Variants in NEO1 observed in about 807,000 individuals in gnomAD.
The protein encoded by NEO1 is neogenin 1.
In NEO1, 63 loss-of-function variants were observed where a neutral mutation model predicts 159.7. The observed-to-expected ratio is 0.39, with a 90% CI of 0.32 to 0.49. The LOEUF is 0.49. Among genes scored for constraint, NEO1 ranks in the 20% least tolerant of loss-of-function variants. The pLI, the probability that NEO1 is intolerant of heterozygous loss-of-function variation, is 0.85. For missense variants in NEO1, 1,615 were observed against 1,831.0 expected (o/e 0.88, Z 2.15); for synonymous variants, 633 against 662.0 (o/e 0.96, Z 0.67).
chr15:73,173,729 A>C (rs1236504724), intron 5 of NEO1, among the ~76,000 whole-genome samples: 1 of 152,240 alleles, frequency 6.6e-6, no homozygotes, highest in Non-Finnish European at 1.5e-5. Context: ...CAGCATGTAT[A>C]GCTTACTGTA....
rs372526253 is a variant in NEO1, at chr15:73,095,206, T to C, written c.131-21334T>C. On this transcript the variant is annotated intron_variant, in intron 1 of 28. Coordinates refer to ENST00000261908, the MANE Select transcript of NEO1 (RefSeq NM_002499.4). ...CCTGGCGACAGAGTGAGACTCTGTC[T>C]TAAAAAAAAAAAAAAAACTTAACAG... Among the ~76,000 whole-genome samples the C allele has an allele frequency of 3.5e-5, 5 of 142,874 alleles. No homozygotes were observed. The South Asian group carries it at 1.1e-3, about 32-fold the overall frequency. 93.7% of individuals were successfully genotyped at this position (142,874 alleles called of 152,430 possible).
intron 7 of NEO1, among the ~76,000 whole-genome samples, chr15:73,206,848 C>CGTGT (rs938536165): frequency 1.8e-4 from 24 of 136,364 alleles, no homozygotes; most frequent in Non-Finnish European, 3.5e-4. Flanking sequence ...TGTGTGTGTG[C>CGTGT]GTGTGTGTGT....
chr15:73,295,127 T>A (rs1248090559), intron 26 of NEO1, among the ~76,000 whole-genome samples: 2 of 139,060 alleles, frequency 1.4e-5, no homozygotes, highest in Non-Finnish European at 3.2e-5. Flanking sequence ...AAATATTAAA[T>A]ATATATATAT....
chr15:73,052,866 G>C (rs945660986), intron 1 of NEO1, 61 bp downstream of exon 1: 1 of 244,386 alleles, frequency 4.1e-6, no homozygotes, highest in African/African-American at 2.3e-5. Flanking sequence ...AGGCGGCCGC[G>C]GCTGCGGTGT....
chr15:73,211,026 G>C (rs1466768229), intron 7 of NEO1, among the ~76,000 whole-genome samples: 1 of 152,152 alleles, frequency 6.6e-6, no homozygotes, highest in Non-Finnish European at 1.5e-5. Context: ...TTTTTACAAT[G>C]ACCAGAGCTT....
intron 5 of NEO1, among the ~76,000 whole-genome samples, chr15:73,164,373 T>C (rs2034424416): frequency 6.6e-6 from 1 of 151,896 alleles, no homozygotes; most frequent in South Asian, 2.1e-4. Flanking sequence ...GCCACCACAC[T>C]CAGGTAATTT....
intron 5 of NEO1, among the ~76,000 whole-genome samples, chr15:73,163,290 C>A (rs2034321374): frequency 6.6e-6 from 1 of 151,846 alleles, no homozygotes; most frequent in Non-Finnish European, 1.5e-5. Context: ...TTTTATTTTT[C>A]TTTTAAAAAT....
intron 7 of NEO1, among the ~76,000 whole-genome samples, chr15:73,232,606 G>A (rs1224296238): frequency 6.6e-6 from 1 of 152,190 alleles, no homozygotes; most frequent in Non-Finnish European, 1.5e-5. Context: ...AGTCCCTAGG[G>A]TACATACACA....
At chr15:73,172,334 A>G (rs895644539) in intron 5 of NEO1, among the ~76,000 whole-genome samples, 1 of 152,232 alleles carries the variant, frequency 6.6e-6, no homozygotes, top group African/African-American at 2.4e-5. Flanking sequence ...AAATGGAAAT[A>G]ATATAATATT....
At chr15:73,068,052 A>G (rs538815031) in intron 1 of NEO1, among the ~76,000 whole-genome samples, 1 of 152,202 alleles carries the variant, frequency 6.6e-6, no homozygotes, top group South Asian at 2.1e-4. Context: ...TAACAGAATG[A>G]TCTACATTCC....
chr15:73,065,761 G>C (rs926037456), intron 1 of NEO1, among the ~76,000 whole-genome samples: 1 of 152,016 alleles, frequency 6.6e-6, no homozygotes, highest in South Asian at 2.1e-4. Flanking sequence ...GAGAGTTCTT[G>C]GCTTGGCTGT....
intron 5 of NEO1, among the ~76,000 whole-genome samples, chr15:73,155,396 A>G (rs992397429): frequency 2.0e-5 from 3 of 151,964 alleles, no homozygotes; most frequent in African/African-American, 7.3e-5. Context: ...TCTTTCTTTT[A>G]CTTTGACTTT....
intron 1 of NEO1, among the ~76,000 whole-genome samples, chr15:73,067,256 G>C (rs567439822): frequency 6.6e-6 from 1 of 152,268 alleles, no homozygotes; most frequent in South Asian, 2.1e-4. Context: ...GATTTCTGCA[G>C]TTGGGAATTC....
chr15:73,265,115 C>CA (rs1272571580), intron 15 of NEO1, among the ~76,000 whole-genome samples: 9 of 152,026 alleles, frequency 5.9e-5, no homozygotes, highest in Admixed American at 5.9e-4. Flanking sequence ...ACACAGTGCT[C>CA]AGTGAACTGA....
chr15:73,284,834 C>T (rs1474125326), intron 23 of NEO1, among the ~76,000 whole-genome samples: 13 of 152,024 alleles, frequency 8.6e-5, no homozygotes, highest in African/African-American at 1.2e-4. Flanking sequence ...ATGATCCGCC[C>T]GCCTCGGCTT....
chr15:73,227,526 C>A (rs571136037), intron 7 of NEO1, among the ~76,000 whole-genome samples: 12 of 152,164 alleles, frequency 7.9e-5, no homozygotes, highest in African/African-American at 2.6e-4. Flanking sequence ...TCAGGAGAAA[C>A]GTCATCATTC....
At chr15:73,141,659 C>T (rs2151782444) in intron 5 of NEO1, among the ~76,000 whole-genome samples, 1 of 152,306 alleles carries the variant, frequency 6.6e-6, no homozygotes, top group South Asian at 2.1e-4. Context: ...TTAAACCTCA[C>T]TGTCTTTCCT....
At chr15:73,076,517 G>T (rs984974730) in intron 1 of NEO1, among the ~76,000 whole-genome samples, 7 of 152,142 alleles carry the variant, frequency 4.6e-5, no homozygotes, top group Non-Finnish European at 1.0e-4. Flanking sequence ...GTAAGTATTG[G>T]TTGTATAGAT....
intron 3 of NEO1, among the ~76,000 whole-genome samples, chr15:73,125,870 G>C (rs1042475683): frequency 6.7e-6 from 1 of 148,820 alleles, no homozygotes; most frequent in African/African-American, 2.4e-5. Flanking sequence ...CACAGATACA[G>C]GGAAGGAAAG....
Sources: gnomAD v4.1 joint callset for allele counts (sites outside exome capture counted in the v4.1 genomes callset) on GRCh38, gnomAD v4.1.1 for gene constraint, MANE v1.5 for transcripts, NCBI Gene and HGNC (gene_info 2026-07-23, HGNC 2026-07-21) for gene names.